Variants in BMPR1B observed in about 807,000 individuals in gnomAD.
BMPR1B encodes the protein bone morphogenetic protein receptor type 1B.
Under a neutral mutation model 59.1 loss-of-function variants are expected in BMPR1B, and 12 were observed. That is an observed-to-expected ratio of 0.20 (90% CI 0.13 to 0.33). The LOEUF is 0.33. Among genes scored for constraint, BMPR1B ranks in the 10% least tolerant of loss-of-function variants. The pLI is 1.00. For missense variants in BMPR1B, 550 were observed against 610.9 expected (o/e 0.90, Z 1.05); for synonymous variants, 237 against 207.3 (o/e 1.14, Z -1.23).
At chr4:95,136,452 T>C (rs1037512085) in intron 10 of BMPR1B, among the ~76,000 whole-genome samples, 1 of 152,238 alleles carries the variant, frequency 6.6e-6, no homozygotes, top group African/African-American at 2.4e-5. Flanking sequence ...ATTCCCTCTC[T>C]TTCTGTTGAT....
chr4:95,111,801 C>T (rs1156726602), intron 4 of BMPR1B, among the ~76,000 whole-genome samples: 2 of 152,040 alleles, frequency 1.3e-5, no homozygotes, highest in Non-Finnish European at 2.9e-5. Context: ...ACTTAAGGAG[C>T]CTAGAACCTG....
intron 2 of BMPR1B, among the ~76,000 whole-genome samples, chr4:94,964,089 T>A (rs1219386456): frequency 6.6e-6 from 1 of 152,160 alleles, no homozygotes; most frequent in Non-Finnish European, 1.5e-5. Context: ...CTGTAGCTAT[T>A]GTAAATTGAA....
At chr4:94,902,224 AC>A in intron 2 of BMPR1B, among the ~76,000 whole-genome samples, 1 of 79,958 alleles carries the variant, frequency 1.3e-5, no homozygotes, top group Non-Finnish European at 2.5e-5. Flanking sequence ...ATTCACACAC[AC>A]ACACACACAC....
At chr4:94,991,057 T>C (rs1053943900) in intron 2 of BMPR1B, among the ~76,000 whole-genome samples, 5 of 152,218 alleles carry the variant, frequency 3.3e-5, no homozygotes, top group African/African-American at 1.2e-4. Context: ...TCACAGTACT[T>C]TCTGAATGTT....
chr4:94,842,583 TCTCA>T (rs1212826366), intron 1 of BMPR1B, among the ~76,000 whole-genome samples: 5 of 151,984 alleles, frequency 3.3e-5, no homozygotes, highest in African/African-American at 1.2e-4. Flanking sequence ...TGAGACAGAG[TCTCA>T]CTCTATTGCC....
intron 3 of BMPR1B, among the ~76,000 whole-genome samples, chr4:95,038,313 A>G (rs1578972380): frequency 6.6e-6 from 1 of 152,198 alleles, no homozygotes; most frequent in African/African-American, 2.4e-5. Context: ...CCAGCTATTG[A>G]AAGGATTTTG....
chr4:94,932,282 C>T (rs1454413238), intron 2 of BMPR1B, among the ~76,000 whole-genome samples: 2 of 152,050 alleles, frequency 1.3e-5, no homozygotes, highest in African/African-American at 4.8e-5. Flanking sequence ...AGAAAAACTA[C>T]ACATGGGGAT....
chr4:94,835,906 C>A (rs1724793114), intron 1 of BMPR1B, among the ~76,000 whole-genome samples: 1 of 65,978 alleles, frequency 1.5e-5, no homozygotes, highest in Non-Finnish European at 2.7e-5. Flanking sequence ...CTATCCCTCC[C>A]CCCTCCCCCC....
At position 94,760,271 on chromosome 4, in the gene BMPR1B, T is replaced by G. The variant is rs191370177; in HGVS notation, c.-183+2203T>G. ...GGTTGTCTGAAATTCCCTGTTAGAT[T>G]ATTGTCCCTGAGTGACGTGCTGCCA... On this transcript the variant is annotated intron_variant, in intron 1 of 12. Transcript: ENST00000515059. Among the ~76,000 whole-genome samples, 4 of 152,278 alleles carry G rather than the reference T, an allele frequency of 2.6e-5. No individual in the cohort carries two copies. In the East Asian group the frequency reaches 7.7e-4, roughly 29 times the overall value.
chr4:95,147,707 A>G (rs955796043), intron 10 of BMPR1B, among the ~76,000 whole-genome samples: 1 of 152,186 alleles, frequency 6.6e-6, no homozygotes, highest in African/African-American at 2.4e-5. Flanking sequence ...TTCATCTGTC[A>G]TATCTAGGGT....
rs538987725 is a variant in BMPR1B at position 95,083,328 on chromosome 4, A to T, written c.-17-21080A>T. Reference sequence around the variant, plus strand: ...AAGATGCCAATGATAACAAAAACAGATTATAAAGACACAGAAAGATCATGG... The same window carrying T: ...AAGATGCCAATGATAACAAAAACAGTTTATAAAGACACAGAAAGATCATGG... On this transcript the variant is annotated intron_variant, in intron 3 of 12. Transcript: ENST00000515059. 2.1e-3 allele frequency among the ~76,000 whole-genome samples: 324 copies of T among 152,282 alleles called. 2 individuals are homozygous for T. Among genetic ancestry groups the T allele is most frequent in the African/African-American group, 7.7e-3 (319 of 41,558 alleles).
chr4:94,830,215 A>G (rs1354249933), intron 1 of BMPR1B, among the ~76,000 whole-genome samples: 2 of 152,128 alleles, frequency 1.3e-5, no homozygotes, highest in Non-Finnish European at 2.9e-5. Context: ...GGAAAATTCA[A>G]AATTTAGAAA....
chr4:94,775,982 T>C (rs531834127), intron 1 of BMPR1B, among the ~76,000 whole-genome samples: 3 of 151,324 alleles, frequency 2.0e-5, no homozygotes, highest in Admixed American at 6.6e-5. Flanking sequence ...TCCCAGCTAC[T>C]CGGGAGACTG....
intron 2 of BMPR1B, among the ~76,000 whole-genome samples, chr4:94,897,845 G>A (rs1036247226): frequency 2.0e-5 from 3 of 151,214 alleles, no homozygotes; most frequent in African/African-American, 4.9e-5. Flanking sequence ...TCTGATTTGG[G>A]TATATATTCT....
Position 94,912,051 on chromosome 4 carries a change from C to T in BMPR1B, c.-113+36151C>T, listed in dbSNP as rs538452132. Among the ~76,000 whole-genome samples, 10 of 152,132 alleles carry T rather than the reference C, an allele frequency of 6.6e-5. No individual in the cohort carries two copies. In the South Asian group the frequency reaches 2.1e-3, roughly 32 times the overall value. On this transcript the variant is annotated intron_variant, in intron 2 of 12. Coordinates refer to ENST00000515059, the MANE Select transcript of BMPR1B (RefSeq NM_001203.3). ...TGGTGGAAGGCAATGAAGAGCACAT[C>T]CTGTCTTACATGGATGGCAGCAGAC... is the stretch of plus-strand genomic sequence containing the variant.
At chr4:94,820,985 C>T (rs1198756561) in intron 1 of BMPR1B, among the ~76,000 whole-genome samples, 3 of 152,174 alleles carry the variant, frequency 2.0e-5, no homozygotes, top group Non-Finnish European at 4.4e-5. Context: ...CAGGGCATGC[C>T]ATTGCTGTTC....
intron 2 of BMPR1B, among the ~76,000 whole-genome samples, chr4:94,882,242 C>G (rs931660914): frequency 6.6e-6 from 1 of 152,022 alleles, no homozygotes; most frequent in Admixed American, 6.6e-5. Flanking sequence ...TCATAGCACG[C>G]AGAGGGAACA....
chr4:94,943,264 T>C (rs1729587570), intron 2 of BMPR1B, among the ~76,000 whole-genome samples: 1 of 151,998 alleles, frequency 6.6e-6, no homozygotes, highest in South Asian at 2.1e-4. Context: ...CTCAGCCTCC[T>C]GAGTAGCTGG....
intron 10 of BMPR1B, among the ~76,000 whole-genome samples, chr4:95,146,324 A>G (rs1734639166): frequency 6.6e-6 from 1 of 152,182 alleles, no homozygotes; most frequent in African/African-American, 2.4e-5. Context: ...ATGTTTTTGC[A>G]GTGTTTGAGA....
Sources: allele counts gnomAD v4.1 joint callset (sites outside exome capture counted in the v4.1 genomes callset), GRCh38; gene constraint gnomAD v4.1.1; transcripts MANE v1.5; gene names NCBI Gene and HGNC (gene_info 2026-07-23, HGNC 2026-07-21).